MACROD2: variants seen among roughly 807,000 people sequenced by gnomAD.
MACROD2 encodes ADP-ribose glycohydrolase MACROD2.
A neutral mutation model predicts 70.4 loss-of-function variants in MACROD2; 36 were observed. That is an observed-to-expected ratio of 0.51 (90% CI 0.39 to 0.68). MACROD2 has a LOEUF of 0.68. Ranked by LOEUF, MACROD2 falls within the 30% of genes least tolerant of loss-of-function variation. The pLI, the probability that MACROD2 is intolerant of heterozygous loss-of-function variation, is 0.00. For synonymous variants in MACROD2, 172 were observed against 178.8 expected, an observed-to-expected ratio of 0.96 and a Z score of 0.30; for missense variants, 496 against 538.4, an observed-to-expected ratio of 0.92 and a Z score of 0.78.
intron 5 of MACROD2, among the ~76,000 whole-genome samples, chr20:14,750,212 A>G (rs2071851926): frequency 6.6e-6 from 1 of 152,092 alleles, no homozygotes. Flanking sequence ...CAAAATTATT[A>G]TGTGTATTTT....
intron 3 of MACROD2, among the ~76,000 whole-genome samples, chr20:14,322,175 A>AATATATATAT (rs374464781): frequency 0.012 from 826 of 66,332 alleles, 68 homozygotes; most frequent in Non-Finnish European, 0.017. Flanking sequence ...ATTCTATTGA[A>AATATATATAT]ATATATATAT....
intron 6 of MACROD2, among the ~76,000 whole-genome samples, chr20:15,312,531 A>G (rs545388900): frequency 1.3e-5 from 2 of 152,290 alleles, no homozygotes; most frequent in South Asian, 2.1e-4. Context: ...ACGTTTGTGT[A>G]TGTTGGAAGT....
intron 3 of MACROD2, among the ~76,000 whole-genome samples, chr20:14,192,054 C>T (rs1020442728): frequency 4.6e-5 from 7 of 152,136 alleles, no homozygotes; most frequent in Non-Finnish European, 1.0e-4. Context: ...GTGAGAGCTA[C>T]ACATCACTAC....
chr20:14,459,186 AG>A (rs202151276), intron 3 of MACROD2, among the ~76,000 whole-genome samples: 1 of 118,074 alleles, frequency 8.5e-6, no homozygotes. Context: ...TAAAATTAGA[AG>A]TTTTAAAATA....
At chr20:15,636,071 C>CGAAAAAA (rs2049359702) in intron 8 of MACROD2, among the ~76,000 whole-genome samples, 1 of 27,970 alleles carries the variant, frequency 3.6e-5, no homozygotes, top group Non-Finnish European at 8.4e-5. Context: ...GGCTCCCTCT[C>CGAAAAAA]AAAAGAAAAA....
chr20:15,042,018 G>A (rs910972963), intron 5 of MACROD2, among the ~76,000 whole-genome samples: 4 of 152,268 alleles, frequency 2.6e-5, no homozygotes, highest in Non-Finnish European at 4.4e-5. Context: ...TCAGGGACAA[G>A]AAGATTAGCG....
chr20:14,434,256 A>C (rs1370562401), intron 3 of MACROD2, among the ~76,000 whole-genome samples: 1 of 152,238 alleles, frequency 6.6e-6, no homozygotes, highest in Non-Finnish European at 1.5e-5. Flanking sequence ...TACCTTGTGG[A>C]ATAAATGCAA....
At chr20:15,573,738 A>G (rs1236289546) in intron 8 of MACROD2, among the ~76,000 whole-genome samples, 1 of 151,612 alleles carries the variant, frequency 6.6e-6, no homozygotes, top group Non-Finnish European at 1.5e-5. Context: ...CTCCTTCCCT[A>G]TTTTCCTGAT....
chr20:15,072,665 G>A (rs898383045), intron 5 of MACROD2, among the ~76,000 whole-genome samples: 8 of 152,040 alleles, frequency 5.3e-5, no homozygotes, highest in African/African-American at 7.2e-5. Flanking sequence ...CTTGTTTGAG[G>A]TTAGCCATCC....
At chr20:14,252,863 G>C (rs750518547) in intron 3 of MACROD2, among the ~76,000 whole-genome samples, 6 of 151,846 alleles carry the variant, frequency 4.0e-5, no homozygotes, top group Non-Finnish European at 7.4e-5. Context: ...TATAGCTGAA[G>C]CTCCAAAAAT....
chr20:14,052,899 T>TA (rs1366071117), intron 2 of MACROD2, among the ~76,000 whole-genome samples: 1 of 152,152 alleles, frequency 6.6e-6, no homozygotes, highest in Non-Finnish European at 1.5e-5. Flanking sequence ...AGTTGGAACT[T>TA]ACTCCTGTAA....
At position 15,904,298 on chromosome 20, in the gene MACROD2, C is replaced by T. The variant is rs150279181; in HGVS notation, c.775+18487C>T. ...CCTCCCAAAGTGCTGGGATTACAGG[C>T]GTGAGCAACCGTGCCCAGCCCAAAT... is the stretch of plus-strand genomic sequence containing the variant. On this transcript the variant is annotated intron_variant, in intron 10 of 17. Coordinates refer to ENST00000684519, the MANE Select transcript of MACROD2 (RefSeq NM_001351661.2). Among the ~76,000 whole-genome samples, 523 of 151,860 alleles carry T rather than the reference C, an allele frequency of 3.4e-3. 2 individuals carry two copies. Among genetic ancestry groups the T allele is most frequent in the African/African-American group, 0.012 (501 of 41,438 alleles).
rs1249860998 is a variant in MACROD2, at chr20:16,050,323, A to G, written c.*447A>G. On this transcript the variant is annotated 3_prime_UTR_variant, in exon 18 of 18. Transcript: ENST00000684519. ...ATAAATTTTAGGAATCAATGAGCCC[A>G]GCAGCAGTATAATCCCCAGACAGAG... 1 of 156,596 alleles carries G rather than the reference A, an allele frequency of 6.4e-6. No individual in the cohort carries two copies. The highest frequency in any genetic ancestry group is 1.9e-4 in the East Asian group (1 of 5,368). The allele number at this position is 156,596 out of a possible 1,614,324, so 9.7% of individuals were successfully genotyped here. A position where few individuals can be genotyped will look rare whatever the true frequency, so the allele number is the denominator to read the frequency against.
intron 5 of MACROD2, among the ~76,000 whole-genome samples, chr20:14,889,558 T>C (rs141031362): frequency 1.3e-5 from 2 of 152,020 alleles, no homozygotes; most frequent in Non-Finnish European, 2.9e-5. Flanking sequence ...CAAGCAGATA[T>C]GCTGGGGAAA....
At chr20:14,920,977 C>A (rs539803795) in intron 5 of MACROD2, among the ~76,000 whole-genome samples, 6 of 152,128 alleles carry the variant, frequency 3.9e-5, no homozygotes, top group Non-Finnish European at 2.9e-5. Flanking sequence ...GGCAAAAAAA[C>A]CTAGATATGT....
chr20:14,154,254 C>T (rs180818095), intron 3 of MACROD2, among the ~76,000 whole-genome samples: 3 of 152,126 alleles, frequency 2.0e-5, no homozygotes, highest in African/African-American at 4.8e-5. Context: ...GACGAGTGTA[C>T]TGGGCAGCTT....
intron 2 of MACROD2, among the ~76,000 whole-genome samples, chr20:14,049,697 G>A (rs997285906): frequency 6.6e-6 from 1 of 151,944 alleles, no homozygotes; most frequent in African/African-American, 2.4e-5. Flanking sequence ...AGGTTACAGT[G>A]AGCCGAGACT....
In MACROD2 at chr20:15,801,200, A is replaced by AAAG. The variant is rs1600912588; in HGVS notation, c.646-61543_646-61542insGAA. ...GAATGATCAATTAAAAAAAAAAAAA[A>AAAG]AAAACGAAAAACAAAACAAACAAAC... On this transcript the variant is annotated intron_variant, in intron 8 of 17. Coordinates refer to ENST00000684519, the MANE Select transcript of MACROD2 (RefSeq NM_001351661.2). Among the ~76,000 whole-genome samples, 6 of 137,818 alleles carry AAAG rather than the reference A, an allele frequency of 4.4e-5. 1 individual carries two copies. The highest frequency in any genetic ancestry group is 2.3e-4 in the South Asian group (1 of 4,444). The allele number at this position is 137,818 out of a possible 152,430, so 90.4% of individuals were successfully genotyped here. A position where few individuals can be genotyped will look rare whatever the true frequency, so the allele number is the denominator to read the frequency against.
intron 4 of MACROD2, among the ~76,000 whole-genome samples, chr20:14,650,751 A>T (rs995251651): frequency 2.0e-5 from 3 of 152,214 alleles, no homozygotes; most frequent in Admixed American, 6.5e-5. Flanking sequence ...TCCATTGTTT[A>T]AAAAACATTG....
Sources: allele counts gnomAD v4.1 joint callset (sites outside exome capture counted in the v4.1 genomes callset), GRCh38; gene constraint gnomAD v4.1.1; transcripts MANE v1.5; gene names NCBI Gene and HGNC (gene_info 2026-07-23, HGNC 2026-07-21).